The following PCDHA8 variants were observed in gnomAD, a reference collection of about 807,000 sequenced individuals.
The protein encoded by PCDHA8 is protocadherin alpha 8, also known as protocadherin alpha-8.
PCDHA8 carries 53 observed loss-of-function variants against 61.8 expected under a neutral mutation model. The ratio of observed to expected loss-of-function variants is 0.86; its 90% confidence interval spans 0.69 to 1.08. PCDHA8 has a LOEUF of 1.08. Among genes scored for constraint, PCDHA8 ranks in the 50% least tolerant of loss-of-function variants. PCDHA8 has a pLI of 0.00. For synonymous variants in PCDHA8, 618 were observed against 556.6 expected (o/e 1.11, Z -1.55); for missense variants, 1,293 against 1,245.0 (o/e 1.04, Z -0.58).
Position 140,859,254 on chromosome 5 carries a change from G to T in PCDHA8, c.2394+15539G>T, listed in dbSNP as rs1005222858. 2 of 131,816 alleles carry T rather than the reference G, an allele frequency of 1.5e-5. 1 individual carries two copies. The allele number at this position is 131,816 out of a possible 1,614,324, so 8.2% of individuals were successfully genotyped here. ...AGTCATGCTTATGTTTAATAATGAA[G>T]AGAATTTGAACACTTTTTACTTTTG... On this transcript the variant is annotated intron_variant, in intron 1 of 3. Transcript: ENST00000531613.
Position 140,855,877 on chromosome 5 carries a change from C to T in PCDHA8, c.2394+12162C>T, listed in dbSNP as rs577890350. 6.7e-6 allele frequency: 6 copies of T among 897,114 alleles called. No individual in the cohort carries two copies. In the South Asian group the frequency reaches 1.2e-4, roughly 18 times the overall value. The allele number at this position is 897,114 out of a possible 1,614,324, so 55.6% of individuals were successfully genotyped here. A position where few individuals can be genotyped will look rare whatever the true frequency, so the allele number is the denominator to read the frequency against. On this transcript the variant is annotated intron_variant, in intron 1 of 3. Transcript: ENST00000531613. ...GATGTCGCTGTCGTCCACAAAATAGCTTTTTAGAACAAAGGCATCAGCCAG... is the reference window on the plus strand; with the variant it reads ...GATGTCGCTGTCGTCCACAAAATAGTTTTTTAGAACAAAGGCATCAGCCAG...
rs1554143145 is a variant in PCDHA8 at position 140,849,656 on chromosome 5, C to T, written c.2394+5941C>T. The T allele has an allele frequency of 2.4e-5, 38 of 1,598,658 alleles. 2 individuals are homozygous for T. Among genetic ancestry groups the T allele is most frequent in the Non-Finnish European group, 3.2e-5 (37 of 1,168,036 alleles). On this transcript the variant is annotated intron_variant, in intron 1 of 3. Transcript: ENST00000531613. The stretch of plus-strand genomic sequence containing the variant: ...CAGATGCCAACGGGCAGGTTACCTG[C>T]TCCCTGACGCCCCACGTCCCCTTCA...
In PCDHA8 at chr5:140,997,121, A is replaced by G. The variant is rs138556400; in HGVS notation, c.2543-12506A>G. On this transcript the variant is annotated intron_variant, in intron 3 of 3. Transcript: ENST00000531613. ...CTCATGCACTCCTGCTCTCCCACAT[A>G]CACAATGCCCCCACACCCCCGCCAC... 2.1e-4 allele frequency among the ~76,000 whole-genome samples: 32 copies of G among 152,152 alleles called. No individual in the cohort carries two copies. The East Asian group carries it at 5.8e-3, about 28-fold the overall frequency.
chr5:140,916,193 C>T lies in PCDHA8; in HGVS notation c.2395-62756C>T, dbSNP rs536117096. On this transcript the variant is annotated intron_variant, in intron 1 of 3. Transcript: ENST00000531613. ...CTGGGACTCTTCAAGGAAGTGGGCACCCCTCTGCCCTGGGGAAGATCCAAA... is the reference window on the plus strand; with the variant it reads ...CTGGGACTCTTCAAGGAAGTGGGCATCCCTCTGCCCTGGGGAAGATCCAAA... 1.6e-4 allele frequency among the ~76,000 whole-genome samples: 25 copies of T among 152,256 alleles called. No individual in the cohort carries two copies. In the South Asian group the frequency reaches 5.0e-3, roughly 30 times the overall value.
chr5:140,907,789 G>A (rs187759241), intron 1 of PCDHA8, among the ~76,000 whole-genome samples: 1 of 152,330 alleles, frequency 6.6e-6, no homozygotes, highest in Non-Finnish European at 1.5e-5. Flanking sequence ...GCTGGGGAAA[G>A]AGGCTAAGTG....
intron 1 of PCDHA8, among the ~76,000 whole-genome samples, chr5:140,903,696 A>G (rs2153481433): frequency 6.6e-6 from 1 of 152,370 alleles, no homozygotes; most frequent in East Asian, 1.9e-4. Context: ...ATAGTTTAAA[A>G]TAGTAATAAA....
chr5:140,929,694 A>G, intron 1 of PCDHA8: 1 of 270,028 alleles, frequency 3.7e-6, no homozygotes, highest in Non-Finnish European at 7.3e-6. Flanking sequence ...AGTCTGCTTT[A>G]TATGAATATA....
At chr5:140,856,686 C>T (rs782337552) in intron 1 of PCDHA8, 1 of 1,597,202 alleles carries the variant, frequency 6.3e-7, no homozygotes, top group Non-Finnish European at 8.6e-7. Context: ...TTGTTGACAG[C>T]AACTGATGGA....
intron 1 of PCDHA8, among the ~76,000 whole-genome samples, chr5:140,873,282 T>C (rs961755772): frequency 2.6e-4 from 39 of 152,330 alleles, no homozygotes; most frequent in African/African-American, 8.7e-4. Context: ...TCATACCACT[T>C]ATGAAACTTT....
At chr5:140,870,465 C>A in intron 1 of PCDHA8, 1 of 1,614,208 alleles carries the variant, frequency 6.2e-7, no homozygotes, top group Non-Finnish European at 8.5e-7. Flanking sequence ...CGCCTGCGTT[C>A]GCACAGCCCG....
intron 1 of PCDHA8, chr5:140,861,590 GA>G: frequency 2.7e-6 from 1 of 372,284 alleles, no homozygotes; most frequent in South Asian, 2.5e-5. Flanking sequence ...ATGTGGAGGT[GA>G]AAGTGAAGAA....
chr5:140,886,422 T>G (rs930235903), intron 1 of PCDHA8, among the ~76,000 whole-genome samples: 1 of 152,240 alleles, frequency 6.6e-6, no homozygotes, highest in Non-Finnish European at 1.5e-5. Flanking sequence ...TCCTATATTA[T>G]TTCTATTCAT....
chr5:140,903,192 G>A (rs2070083529), intron 1 of PCDHA8, among the ~76,000 whole-genome samples: 1 of 152,160 alleles, frequency 6.6e-6, no homozygotes, highest in South Asian at 2.1e-4. Flanking sequence ...GTATAAAAGA[G>A]TGTCCTTTTC....
chr5:140,986,945 C>T (rs1295830111), intron 3 of PCDHA8, among the ~76,000 whole-genome samples: 1 of 151,946 alleles, frequency 6.6e-6, no homozygotes, highest in Non-Finnish European at 1.5e-5. Flanking sequence ...TGGGTGTGGT[C>T]GCTCATGCCT....
Position 140,843,307 on chromosome 5 carries a change from G to T in PCDHA8, c.1986G>T (p.Thr662=), listed in dbSNP as rs2150357061. Residue 662 remains threonine (T), a synonymous_variant, in exon 1 of 4, where the codon ACG becomes ACT. Coordinates refer to ENST00000531613, the MANE Select transcript of PCDHA8 (RefSeq NM_018911.3). ...KDHGEPALTA[T]ATVLVSLVES... ...ATGGTGAACCTGCGCTGACCGCCAC[G>T]GCCACGGTTCTGGTGTCGCTGGTGG... is the stretch of plus-strand genomic sequence containing the variant. The T allele has an allele frequency of 1.0e-5, 16 of 1,595,858 alleles. 3 individuals are homozygous for T. The highest frequency in any genetic ancestry group is 1.3e-5 in the African/African-American group (1 of 74,426).
chr5:140,921,102 T>G (rs1300756897), intron 1 of PCDHA8, among the ~76,000 whole-genome samples: 1 of 152,028 alleles, frequency 6.6e-6, no homozygotes, highest in Non-Finnish European at 1.5e-5. Context: ...TGCCTCAGTC[T>G]CCTAAGTAGC....
chr5:140,961,434 A>G (rs2095611315), intron 1 of PCDHA8, among the ~76,000 whole-genome samples: 1 of 152,174 alleles, frequency 6.6e-6, no homozygotes, highest in African/African-American at 2.4e-5. Context: ...TTACAAAATC[A>G]CCTAACTACA....
In PCDHA8 at chr5:140,858,295, G is replaced by T. The variant is rs190932191; in HGVS notation, c.2394+14580G>T. 8.8e-5 allele frequency: 140 copies of T among 1,597,360 alleles called. 13 individuals are homozygous for T. Among genetic ancestry groups the T allele is most frequent in the African/African-American group, 2.6e-4 (19 of 74,394 alleles). The stretch of plus-strand genomic sequence containing the variant: ...GCGCGGTGGGGAGCTGGTCTTACTC[G>T]CAGCAGAGGCGGCAGAGGGTGTGTT... On this transcript the variant is annotated intron_variant, in intron 1 of 3. Transcript: ENST00000531613.
intron 1 of PCDHA8, among the ~76,000 whole-genome samples, chr5:140,941,231 C>CTTTCTTTCTTTCTT (rs1563186950): frequency 5.1e-5 from 7 of 136,876 alleles, no homozygotes; most frequent in East Asian, 2.1e-4. Context: ...TTCTTTCTTT[C>CTTTCTTTCTTTCTT]TTTCTTTCTT....
Sources: allele counts gnomAD v4.1 joint callset (sites outside exome capture counted in the v4.1 genomes callset), GRCh38; gene constraint gnomAD v4.1.1; transcripts MANE v1.5; gene names NCBI Gene and HGNC (gene_info 2026-07-23, HGNC 2026-07-21).